CACNG6: variants seen among roughly 807,000 people sequenced by gnomAD.
The protein encoded by CACNG6 is voltage-dependent calcium channel gamma-6 subunit.
CACNG6 carries 21 observed loss-of-function variants against 23.9 expected under a neutral mutation model. The observed-to-expected ratio is 0.88, with a 90% CI of 0.62 to 1.26. CACNG6 has a LOEUF of 1.26. Ranked by LOEUF, CACNG6 falls within the 50% of genes most tolerant of loss-of-function variation. The pLI is 0.00. For synonymous variants in CACNG6, 182 were observed against 168.9 expected (o/e 1.08, Z -0.60); for missense variants, 340 against 352.9 (o/e 0.96, Z 0.29).
intron 3 of CACNG6, among the ~76,000 whole-genome samples, chr19:54,008,684 G>T (rs182612665): frequency 6.6e-6 from 1 of 152,202 alleles, no homozygotes; most frequent in Admixed American, 6.5e-5. Flanking sequence ...CGGAACAGCC[G>T]TTGCTTCGTT....
intron 1 of CACNG6, among the ~76,000 whole-genome samples, chr19:53,993,890 G>T (rs1487019014): frequency 6.6e-6 from 1 of 151,716 alleles, no homozygotes. Context: ...CCCCAGACCA[G>T]CCTACAGCTC....
At chr19:53,998,598 G>A (rs541690871) in intron 2 of CACNG6, among the ~76,000 whole-genome samples, 2 of 146,378 alleles carry the variant, frequency 1.4e-5, no homozygotes, top group East Asian at 4.0e-4. Context: ...TGCAACCTCC[G>A]CCTCCCAGGT....
intron 3 of CACNG6, among the ~76,000 whole-genome samples, chr19:54,005,293 G>T (rs1195540178): frequency 6.6e-6 from 1 of 151,230 alleles, no homozygotes; most frequent in Non-Finnish European, 1.5e-5. Flanking sequence ...GGGCGCGGTG[G>T]CTCACGCCTG....
Position 53,993,131 on chromosome 19 carries a change from A to G in CACNG6, c.254A>G (p.Lys85Arg). ...VCEAAHLGLW[K>R]ACTKRLWQAD... is the part of the protein sequence containing the mutation. ...GAAGCGGCCCACCTGGGGCTGTGGA[A>G]GGCGTGCACCAAGCGGCTGTGGCAG... The change falls in exon 1 of 4, where the codon AAG becomes AGG. Residue 85 changes from lysine (K) to arginine (R), a missense_variant. Physicochemically the swap from Lys to Arg is conservative, Grantham distance 26. Transcript: ENST00000252729. The G allele has an allele frequency of 6.5e-7, 1 of 1,548,044 alleles. No homozygotes were observed. The highest frequency in any genetic ancestry group is 8.7e-7 in the Non-Finnish European group (1 of 1,145,992).
chr19:54,004,229 C>G (rs1453257525), intron 3 of CACNG6, among the ~76,000 whole-genome samples: 1 of 151,906 alleles, frequency 6.6e-6, no homozygotes, highest in Non-Finnish European at 1.5e-5. Flanking sequence ...GGCACGATCT[C>G]GACTCACTGA....
At position 53,991,695 on chromosome 19, in the gene CACNG6, C is replaced by T. The variant is rs1305622986; in HGVS notation, c.-1183C>T. On this transcript the variant is annotated 5_prime_UTR_variant, in exon 1 of 4. Transcript: ENST00000252729. ...TTCGGAGGCAGCGCGGAGCTGGGGT[C>T]GGCGCGGGGCCGAGGCAGGAGAGCG... 2.0e-5 allele frequency among the ~76,000 whole-genome samples: 3 copies of T among 151,602 alleles called. No individual in the cohort carries two copies. The highest frequency in any genetic ancestry group is 2.9e-5 in the Non-Finnish European group (2 of 67,900).
intron 1 of CACNG6, among the ~76,000 whole-genome samples, chr19:53,996,853 G>A (rs965144750): frequency 2.8e-5 from 4 of 144,638 alleles, no homozygotes; most frequent in Non-Finnish European, 6.0e-5. Context: ...GATTTTGTCT[G>A]ATCTTTGGGA....
chr19:54,011,633 C>G (rs994639574), intron 3 of CACNG6, among the ~76,000 whole-genome samples: 1 of 151,924 alleles, frequency 6.6e-6, no homozygotes, highest in Non-Finnish European at 1.5e-5. Flanking sequence ...CCCCATCCAC[C>G]TTCAGAACGA....
chr19:53,991,593 G>A (rs966332231), upstream of CACNG6, among the ~76,000 whole-genome samples: 1 of 147,356 alleles, frequency 6.8e-6, no homozygotes, highest in Non-Finnish European at 1.5e-5. Context: ...GGTGGAGGGT[G>A]GGGGGTGGGC....
intron 3 of CACNG6, among the ~76,000 whole-genome samples, chr19:54,002,564 C>CA (rs1424249665): frequency 2.0e-5 from 3 of 151,634 alleles, no homozygotes; most frequent in Admixed American, 6.6e-5. Context: ...GTGCTAGGAG[C>CA]CGCTGAGGAC....
At chr19:54,007,299 C>T (rs772683732) in intron 3 of CACNG6, among the ~76,000 whole-genome samples, 1 of 152,190 alleles carries the variant, frequency 6.6e-6, no homozygotes, top group Non-Finnish European at 1.5e-5. Flanking sequence ...CCTTGGCCTC[C>T]CAAAGTGCTG....
chr19:53,997,133 G>A (rs2069528430), intron 1 of CACNG6, among the ~76,000 whole-genome samples: 1 of 152,042 alleles, frequency 6.6e-6, no homozygotes, highest in African/African-American at 2.4e-5. Context: ...GCCTCCCAAA[G>A]TGCAGGGATT....
At chr19:54,002,665 C>A (rs183417603) in intron 3 of CACNG6, among the ~76,000 whole-genome samples, 23 of 152,236 alleles carry the variant, frequency 1.5e-4, no homozygotes, top group African/African-American at 5.5e-4. Flanking sequence ...TGAACTCACA[C>A]CTGCATTACT....
At position 54,011,944 on chromosome 19, in the gene CACNG6, C is replaced by T. The variant is rs201421758; in HGVS notation, c.545-7C>T. On this transcript the variant is annotated splice_region_variant and splice_polypyrimidine_tract_variant and intron_variant, in intron 3 of 3. Coordinates refer to ENST00000252729, the MANE Select transcript of CACNG6 (RefSeq NM_145814.2). ...CGTCTGACTGCGAGCTGTCCTCTCTCCCGCAGGCCTGCTGCTCTTGGTGAG... is the reference window on the plus strand; with the variant it reads ...CGTCTGACTGCGAGCTGTCCTCTCTTCCGCAGGCCTGCTGCTCTTGGTGAG... The T allele has an allele frequency of 1.6e-4, 235 of 1,491,116 alleles. No homozygotes were observed. The highest frequency in any genetic ancestry group is 1.7e-4 in the Non-Finnish European group (191 of 1,120,000). 92.4% of individuals were successfully genotyped at this position (1,491,116 alleles called of 1,614,324 possible).
chr19:53,995,961 C>A (rs1171007612), intron 1 of CACNG6, among the ~76,000 whole-genome samples: 2 of 152,158 alleles, frequency 1.3e-5, no homozygotes, highest in Admixed American at 6.5e-5. Flanking sequence ...CACGCGCAGC[C>A]CAGCATCCTC....
chr19:54,011,227 T>TATATATATATATATATATATATATATAC (rs1442985544), intron 3 of CACNG6, among the ~76,000 whole-genome samples: 3 of 95,286 alleles, frequency 3.1e-5, no homozygotes, highest in African/African-American at 1.7e-4. Flanking sequence ...TATATATATA[T>TATATATATATATATATATATATATATAC]ACACACACAC....
intron 1 of CACNG6, among the ~76,000 whole-genome samples, chr19:53,995,870 G>A (rs903587380): frequency 6.6e-6 from 1 of 152,036 alleles, no homozygotes; most frequent in African/African-American, 2.4e-5. Context: ...CCATGTTGAC[G>A]AGGCTGGTCT....
chr19:54,011,153 G>A (rs2069702018), intron 3 of CACNG6, among the ~76,000 whole-genome samples: 1 of 137,476 alleles, frequency 7.3e-6, no homozygotes, highest in Non-Finnish European at 1.5e-5. Flanking sequence ...AGGAGTTCCA[G>A]ACTAGTCTGG....
chr19:54,009,819 G>A (rs12977084), intron 3 of CACNG6, among the ~76,000 whole-genome samples: 5 of 146,864 alleles, frequency 3.4e-5, no homozygotes, highest in Admixed American at 6.9e-5. Context: ...CCAGCTACTC[G>A]GGAGGCTGAG....
Sources: gnomAD v4.1 joint callset for allele counts (sites outside exome capture counted in the v4.1 genomes callset) on GRCh38, gnomAD v4.1.1 for gene constraint, MANE v1.5 for transcripts, NCBI Gene and HGNC (gene_info 2026-07-23, HGNC 2026-07-21) for gene names.